Variants in ANK2 observed in about 807,000 individuals in gnomAD.
The protein encoded by ANK2 is ankyrin-2.
A neutral mutation model predicts 360.5 loss-of-function variants in ANK2; 83 were observed. The observed-to-expected ratio is 0.23, with a 90% CI of 0.19 to 0.28. The LOEUF is 0.28. Among genes scored for constraint, ANK2 ranks in the 10% least tolerant of loss-of-function variants. ANK2 has a pLI of 1.00. For missense variants in ANK2, 4,201 were observed against 4,795.7 expected, an observed-to-expected ratio of 0.88 and a Z score of 3.66; for synonymous variants, 1,740 against 1,759.5, an observed-to-expected ratio of 0.99 and a Z score of 0.28.
intron 18 of ANK2, 93 bp downstream of exon 18, chr4:113,282,965 T>C (rs1309110015): frequency 8.6e-6 from 12 of 1,391,796 alleles, no homozygotes; most frequent in Non-Finnish European, 1.1e-5. Context: ...AGGAGCAATG[T>C]ATTAAAAAGA....
the ANK2 span, among the ~76,000 whole-genome samples, chr4:112,716,217 T>G: frequency 6.6e-6 from 1 of 152,190 alleles, no homozygotes; most frequent in African/African-American, 2.4e-5. Flanking sequence ...ATGTATTAAA[T>G]GGCAGTAACC....
chr4:113,085,296 T>C (rs1383643269), intron 1 of ANK2, among the ~76,000 whole-genome samples: 1 of 152,140 alleles, frequency 6.6e-6, no homozygotes, highest in Non-Finnish European at 1.5e-5. Flanking sequence ...GATATTAAGA[T>C]ATTAAGACTT....
At position 113,369,898 on chromosome 4, in the gene ANK2, A is replaced by G; in HGVS notation, c.11610+93A>G. On this transcript the variant is annotated intron_variant, in intron 43 of 45. Coordinates refer to ENST00000357077, the MANE Select transcript of ANK2 (RefSeq NM_001148.6). Reference sequence around the variant, plus strand: ...TATGATGGTTTATTTTTTGCACTTCAAAACAAAAAAGTTAACCAAATTAAT... The same window carrying G: ...TATGATGGTTTATTTTTTGCACTTCGAAACAAAAAAGTTAACCAAATTAAT... The G allele has an allele frequency of 2.6e-6, 4 of 1,544,128 alleles. No homozygotes were observed. The East Asian group carries it at 6.8e-5, about 26-fold the overall frequency.
At position 112,908,789 on chromosome 4, in the gene ANK2, CA is replaced by C. The variant is rs543206880; in HGVS notation, c.21+4279del. 1.1e-3 allele frequency among the ~76,000 whole-genome samples: 161 copies of C among 152,274 alleles called. 5 individuals carry two copies. In the South Asian group the frequency reaches 0.033, roughly 31 times the overall value. ...CTGGCGCATTGATTGGCTTTCATTC[CA>C]AAACTCATTTCCTGCTGAAGGTGAA... On this transcript the variant is annotated intron_variant, in intron 2 of 30. Transcript: ENST00000503271.
intron 4 of ANK2, among the ~76,000 whole-genome samples, chr4:113,231,228 A>G (rs938747497): frequency 4.0e-5 from 6 of 151,336 alleles, no homozygotes; most frequent in African/African-American, 1.5e-4. Flanking sequence ...ATTTTTTTGT[A>G]TTTTTAGTAG....
At chr4:112,738,699 C>G in the ANK2 span, 1 of 602,884 alleles carries the variant, frequency 1.7e-6, no homozygotes, top group Non-Finnish European at 3.1e-6. Flanking sequence ...CGTTGTGAAG[C>G]CCAAGATCAT....
intron 1 of ANK2, among the ~76,000 whole-genome samples, chr4:113,130,420 CTT>C (rs1211024486): frequency 1.3e-5 from 2 of 152,106 alleles, no homozygotes; most frequent in African/African-American, 4.8e-5. Flanking sequence ...TATCTGTTCA[CTT>C]TTGAAACTAA....
At chr4:113,133,542 C>A (rs2096204259) in intron 1 of ANK2, among the ~76,000 whole-genome samples, 1 of 151,974 alleles carries the variant, frequency 6.6e-6, no homozygotes. Flanking sequence ...TTTCGCTAAA[C>A]CATGCTATAC....
At chr4:112,774,706 AAG>A in the ANK2 span, among the ~76,000 whole-genome samples, 1 of 152,328 alleles carries the variant, frequency 6.6e-6, no homozygotes, top group African/African-American at 2.4e-5. Flanking sequence ...ATGGTAAAGA[AAG>A]AGGGGTGGAA....
chr4:113,034,669 A>C (rs113832440), intron 2 of ANK2: 2 of 152,100 alleles, frequency 1.3e-5, no homozygotes, highest in African/African-American at 2.4e-5. Context: ...AAATGTAGAG[A>C]GTGAGTAAAT....
the ANK2 span, among the ~76,000 whole-genome samples, chr4:112,760,090 T>A: frequency 6.6e-6 from 1 of 152,128 alleles, no homozygotes; most frequent in Non-Finnish European, 1.5e-5. Context: ...CATAAATCAA[T>A]GGTTGACTGT....
At chr4:113,292,896 G>T in intron 21 of ANK2, 1 of 365,954 alleles carries the variant, frequency 2.7e-6, no homozygotes, top group South Asian at 2.2e-5. Context: ...TGGAGCCATT[G>T]AAATGTAAAC....
chr4:112,929,868 AAGT>A (rs2092993015), intron 2 of ANK2, among the ~76,000 whole-genome samples: 1 of 152,170 alleles, frequency 6.6e-6, no homozygotes, highest in Non-Finnish European at 1.5e-5. Context: ...TCTTCCTAGA[AAGT>A]AGTAGCCTAT....
chr4:112,861,050 G>A (rs757401583), intron 1 of ANK2, among the ~76,000 whole-genome samples: 2 of 152,206 alleles, frequency 1.3e-5, no homozygotes. Flanking sequence ...ATGCTTTGCT[G>A]AGAGGCAAAG....
At chr4:112,775,663 A>T in the ANK2 span, among the ~76,000 whole-genome samples, 1 of 152,184 alleles carries the variant, frequency 6.6e-6, no homozygotes, top group East Asian at 1.9e-4. Flanking sequence ...GAGGTTGCTC[A>T]CGGCTTTTGT....
intron 1 of ANK2, among the ~76,000 whole-genome samples, chr4:113,117,769 A>C (rs2094967240): frequency 6.6e-6 from 1 of 152,188 alleles, no homozygotes; most frequent in Non-Finnish European, 1.5e-5. Context: ...TTGGAGGGTT[A>C]AAGTATTTTC....
intron 1 of ANK2, among the ~76,000 whole-genome samples, chr4:113,144,467 A>G (rs912086811): frequency 6.6e-6 from 1 of 152,050 alleles, no homozygotes; most frequent in Non-Finnish European, 1.5e-5. Flanking sequence ...AAAATGACAT[A>G]TTGGAAAGGA....
chr4:113,346,155 C>A (rs1007721002), intron 35 of ANK2, 133 bp downstream of exon 35: 2 of 1,016,264 alleles, frequency 2.0e-6, no homozygotes, highest in Non-Finnish European at 3.0e-6. Context: ...TGAATACCAA[C>A]AAAGACTGAT....
In ANK2 at chr4:112,995,853, A is replaced by T. The variant is rs1233211536; in HGVS notation, c.21+91339A>T. Among the ~76,000 whole-genome samples, 7 of 152,330 alleles carry T rather than the reference A, an allele frequency of 4.6e-5. No individual in the cohort carries two copies. In the East Asian group the frequency reaches 1.2e-3, roughly 25 times the overall value. ...AATTTGCTTTTATGGAATGTTGATG[A>T]GTATTCCAAATTCTTTGGAACTCTC... is the stretch of plus-strand genomic sequence containing the variant. On this transcript the variant is annotated intron_variant, in intron 2 of 30. Coordinates refer to the ANK2 transcript ENST00000503271.
Sources: gnomAD v4.1 joint callset for allele counts (sites outside exome capture counted in the v4.1 genomes callset) on GRCh38, gnomAD v4.1.1 for gene constraint, MANE v1.5 for transcripts, NCBI Gene and HGNC (gene_info 2026-07-23, HGNC 2026-07-21) for gene names.